Variants in NAE1 observed in about 807,000 individuals in gnomAD.
The protein encoded by NAE1 is NEDD8-activating enzyme E1 regulatory subunit.
A neutral mutation model predicts 88.0 loss-of-function variants in NAE1; 59 were observed. That is an observed-to-expected ratio of 0.67 (90% confidence interval 0.54 to 0.83). The LOEUF (loss-of-function observed/expected upper bound fraction) is 0.83. NAE1 is among the 40% of genes least tolerant of loss of function. NAE1 has a pLI of 0.00. For synonymous variants in NAE1, 186 were observed against 208.9 expected, an observed-to-expected ratio of 0.89 and a Z score of 0.95; for missense variants, 554 against 632.8, an observed-to-expected ratio of 0.88 and a Z score of 1.34.
At chr16:66,822,158 A>C (rs1214299715) in intron 6 of NAE1, among the ~76,000 whole-genome samples, 1 of 152,184 alleles carries the variant, frequency 6.6e-6, no homozygotes, top group African/African-American at 2.4e-5. Context: ...GAGTCACTGC[A>C]CCCAGCCTTC....
chr16:66,825,170 G>A (rs1489936479), intron 3 of NAE1, among the ~76,000 whole-genome samples: 1 of 152,210 alleles, frequency 6.6e-6, no homozygotes, highest in East Asian at 1.9e-4. Flanking sequence ...AAACACCGGC[G>A]GGTGTGGTGG....
intron 19 of NAE1, 34 bp from the exon 20 acceptor site, chr16:66,803,152 A>C (rs562084932): frequency 2.9e-6 from 4 of 1,394,296 alleles, no homozygotes. Flanking sequence ...AAATCTTTGA[A>C]AGAGTAAACT....
intron 7 of NAE1, among the ~76,000 whole-genome samples, chr16:66,821,053 G>A (rs1960237652): frequency 6.6e-6 from 1 of 152,164 alleles, no homozygotes; most frequent in African/African-American, 2.4e-5. Flanking sequence ...TGGGCAACAA[G>A]AGCGAAACTC....
intron 6 of NAE1, 124 bp downstream of exon 6, chr16:66,823,103 A>T: frequency 2.2e-6 from 1 of 460,722 alleles, no homozygotes; most frequent in Non-Finnish European, 3.6e-6. Flanking sequence ...AAAAAGTTTC[A>T]TATTTAAAGT....
chr16:66,816,657 T>G lies in NAE1; in HGVS notation c.764A>C (p.Glu255Ala). The change falls in exon 11 of 20, where the codon GAA becomes GCA. Residue 255 changes from glutamate (E) to alanine (A), a missense_variant. Physicochemically the swap from Glu to Ala is moderately radical, Grantham distance 107. Coordinates refer to ENST00000290810, the MANE Select transcript of NAE1 (RefSeq NM_003905.4). ...DLIRQGILKNENGAPEDEENF... is the reference protein window; with the variant it reads ...DLIRQGILKNANGAPEDEENF... The stretch of plus-strand genomic sequence containing the variant: ...CTCTTCATCTTCTGGAGCCCCATTT[T>G]CATTTTTTAGAATTCCTATTGTAAT... 6.2e-7 allele frequency: 1 copy of G among 1,611,026 alleles called. No homozygotes were observed. Among genetic ancestry groups the G allele is most frequent in the Non-Finnish European group, 8.5e-7 (1 of 1,177,772 alleles).
chr16:66,829,832 G>C (rs1183864063), intron 1 of NAE1, among the ~76,000 whole-genome samples: 1 of 152,220 alleles, frequency 6.6e-6, no homozygotes, highest in Non-Finnish European at 1.5e-5. Context: ...CAAGCAATGA[G>C]GCTAGTGTTA....
chr16:66,824,718 T>C (rs1427397761), intron 4 of NAE1, 137 bp downstream of exon 4: 12 of 734,486 alleles, frequency 1.6e-5, no homozygotes, highest in Non-Finnish European at 2.6e-5. Flanking sequence ...CATATGAAGA[T>C]TTACAAGATT....
intron 17 of NAE1, 137 bp downstream of exon 17, chr16:66,808,384 C>A (rs1034764319): frequency 6.4e-6 from 4 of 627,652 alleles, no homozygotes; most frequent in Admixed American, 3.5e-5. Context: ...TGGTTCTTCA[C>A]TGGGGAACGT....
intron 12 of NAE1, 35 bp from the exon 13 acceptor site, chr16:66,813,732 G>A (rs776157580): frequency 2.0e-5 from 32 of 1,610,814 alleles, no homozygotes; most frequent in Non-Finnish European, 2.5e-5. Flanking sequence ...ATTAAGTGGC[G>A]TTTTACTTTG....
intron 9 of NAE1, 98 bp from the exon 10 acceptor site, chr16:66,817,126 C>A: frequency 7.1e-7 from 1 of 1,407,142 alleles, no homozygotes; most frequent in Non-Finnish European, 9.4e-7. Context: ...AAGATTTCAT[C>A]AACAAATATA....
At chr16:66,824,630 T>C (rs552224065) in intron 4 of NAE1, 4 of 357,662 alleles carry the variant, frequency 1.1e-5, no homozygotes, top group Admixed American at 4.7e-5. Flanking sequence ...AATATTAACA[T>C]TACTCAAGAT....
chr16:66,808,435 C>T (rs1959658768), intron 17 of NAE1, 86 bp downstream of exon 17: 1 of 933,382 alleles, frequency 1.1e-6, no homozygotes, highest in African/African-American at 1.7e-5. Context: ...TCAAGCAACA[C>T]TATTATAAAT....
intron 17 of NAE1, among the ~76,000 whole-genome samples, chr16:66,806,471 C>CTG (rs371054046): frequency 7.2e-5 from 11 of 151,990 alleles, no homozygotes; most frequent in Middle Eastern, 3.4e-3. Context: ...GTTACCTAGG[C>CTG]TGGAGTGCAG....
At position 66,817,069 on chromosome 16, in the gene NAE1, T is replaced by A. The variant is rs761707839; in HGVS notation, c.685-41A>T. On this transcript the variant is annotated intron_variant, in intron 9 of 19. Coordinates refer to ENST00000290810, the MANE Select transcript of NAE1 (RefSeq NM_003905.4). The stretch of plus-strand genomic sequence containing the variant: ...ATTTTAAAAATCTAGTTATTAAAAT[T>A]CAAAATACAGAAATTGAAAGTCTAA... 1.9e-6 allele frequency: 3 copies of A among 1,566,042 alleles called. No homozygotes were observed. In the South Asian group the frequency reaches 3.7e-5, roughly 19 times the overall value.
intron 10 of NAE1, 51 bp downstream of exon 10, chr16:66,816,914 A>G: frequency 1.9e-6 from 3 of 1,558,422 alleles, no homozygotes; most frequent in Non-Finnish European, 2.6e-6. Context: ...ACCTGCCTCT[A>G]GCAATTTGCT....
At chr16:66,828,060 A>G in intron 1 of NAE1, 2 of 1,613,610 alleles carry the variant, frequency 1.2e-6, no homozygotes, top group Non-Finnish European at 1.7e-6. Context: ...ACAGCTGTCA[A>G]ATGTATGGAG....
In NAE1 at chr16:66,823,602, T is replaced by C. The variant is rs751053797; in HGVS notation, c.250-2A>G. ...TTCCATGGCAGCTTCAGCTCGGTTC[T>C]TTTTAAAAACAAAGCATTTAACTTG... On this transcript the variant is annotated splice_acceptor_variant, in intron 4 of 19. Transcript: ENST00000290810. LOFTEE classifies it high-confidence loss of function. 1.3e-6 allele frequency: 2 copies of C among 1,586,812 alleles called. No individual in the cohort carries two copies. The highest frequency in any genetic ancestry group is 8.5e-7 in the Non-Finnish European group (1 of 1,172,938).
intron 17 of NAE1, 134 bp from the exon 18 acceptor site, chr16:66,806,160 G>T: frequency 9.2e-7 from 1 of 1,081,808 alleles, no homozygotes; most frequent in Non-Finnish European, 1.3e-6. Context: ...CAAAGTATGA[G>T]ACCAATATTT....
At chr16:66,820,467 G>C (rs1960204786) in intron 7 of NAE1, among the ~76,000 whole-genome samples, 1 of 152,184 alleles carries the variant, frequency 6.6e-6, no homozygotes, top group African/African-American at 2.4e-5. Context: ...TGAAATAAAA[G>C]ATTGGACGGA....
Sources: gnomAD v4.1 joint callset for allele counts (sites outside exome capture counted in the v4.1 genomes callset) on GRCh38, gnomAD v4.1.1 for gene constraint, MANE v1.5 for transcripts, NCBI Gene and HGNC (gene_info 2026-07-23, HGNC 2026-07-21) for gene names.